The following GLUD2 variants were observed in gnomAD, a reference collection of about 807,000 sequenced individuals.
GLUD2 encodes the protein glutamate dehydrogenase 2, mitochondrial.
Under a neutral mutation model 16.2 loss-of-function variants are expected in GLUD2, and 11 were observed. That is an observed-to-expected ratio of 0.68 (90% CI 0.43 to 1.13). The LOEUF is 1.13. Ranked by LOEUF, GLUD2 falls within the 50% of genes most tolerant of loss-of-function variation. The pLI, the probability that GLUD2 is intolerant of heterozygous loss-of-function variation, is 0.00. For missense variants in GLUD2, 360 were observed against 456.4 expected (o/e 0.79, Z 1.93); for synonymous variants, 147 against 181.9 (o/e 0.81, Z 1.55).
Position 121,047,875 on chromosome X carries a change from C to G in GLUD2, c.191C>G (p.Pro64Arg). Reference protein sequence around the residue: ...SELVADREDDPNFFKMVEGFF... With the variant: ...SELVADREDDRNFFKMVEGFF... ...TTGGTGGCCGACCGCGAGGACGACC[C>G]CAACTTCTTCAAGATGGTGGAGGGC... Residue 64 changes from proline to arginine, a missense_variant, in exon 1 of 1, where the codon CCC becomes CGC. By Grantham distance (103) the Pro-to-Arg change is moderately radical. Transcript: ENST00000328078. 1.7e-6 allele frequency: 2 copies of G among 1,210,459 alleles called. No homozygotes were observed. The highest frequency in any genetic ancestry group is 2.2e-6 in the Non-Finnish European group (2 of 895,540).
chrX:121,049,533 C>T lies in GLUD2; in HGVS notation c.*172C>T, dbSNP rs1222838133. The T allele has an allele frequency of 1.9e-6, 1 of 536,561 alleles. No individual in the cohort carries two copies. The highest frequency in any genetic ancestry group is 3.3e-5 in the East Asian group (1 of 29,932). The allele number at this position is 536,561 out of a possible 1,213,427, so 44.2% of individuals were successfully genotyped here. ...CGTTAAGGAGAAAGAAATTAATATA[C>T]AAGCTGAGTGTGAAAGTAGAAATCA... On this transcript the variant is annotated 3_prime_UTR_variant, in exon 1 of 1. Coordinates refer to ENST00000328078, the MANE Select transcript of GLUD2 (RefSeq NM_012084.4).
In GLUD2 at chrX:121,047,653, G is replaced by A. The variant is rs749203569; in HGVS notation, c.-32G>A. On this transcript the variant is annotated 5_prime_UTR_variant, in exon 1 of 1. Coordinates refer to ENST00000328078, the MANE Select transcript of GLUD2 (RefSeq NM_012084.4). ...GTCTGAGAAAGCGCACCTGTTCCGC[G>A]ACCGTCACGCACCCCTCCTCCGCCT... is the stretch of plus-strand genomic sequence containing the variant. 1.0e-6 allele frequency: 1 copy of A among 969,141 alleles called. No homozygotes were observed. The highest frequency in any genetic ancestry group is 1.3e-6 in the Non-Finnish European group (1 of 746,801). The allele number at this position is 969,141 out of a possible 1,213,427, so 79.9% of individuals were successfully genotyped here.
Position 121,049,250 on chromosome X carries a change from G to A in GLUD2, c.1566G>A (p.Met522Ile), listed in dbSNP as rs1235915607. The A allele has an allele frequency of 3.3e-6, 4 of 1,209,759 alleles. No individual in the cohort carries two copies. The highest frequency in any genetic ancestry group is 3.0e-5 in the East Asian group (1 of 33,767). Residue 522 changes from methionine (M) to isoleucine (I), a missense_variant, in exon 1 of 1, where the codon ATG (methionine) becomes ATA (isoleucine). Transcript: ENST00000328078. Reference protein sequence around the residue: ...YTMERSARQIMHTAMKYNLGL... With the variant: ...YTMERSARQIIHTAMKYNLGL... ...TGGAGCGTTCTGCCAGGCAAATTAT[G>A]CACACAGCCATGAAGTATAACCTGG...
chrX:121,048,375 C>T lies in GLUD2; in HGVS notation c.691C>T (p.Arg231Trp), dbSNP rs773281447. The T allele has an allele frequency of 5.8e-6, 7 of 1,209,452 alleles. No homozygotes were observed. In the African/African-American group the frequency reaches 1.1e-4, roughly 18 times the overall value. ...VPAPDMNTGE[R>W]EMSWIADTYA... The stretch of plus-strand genomic sequence containing the variant: ...TGCTCCAGACATGAACACAGGTGAG[C>T]GGGAGATGTCCTGGATTGCTGATAC... Residue 231 changes from arginine to tryptophan, a missense_variant, in exon 1 of 1, where the codon CGG becomes TGG. Arg to Trp is a moderately radical substitution (Grantham distance 101). This residue lies in a region of GLUD2 where 279 missense variants were observed against 352.9 expected (regional missense o/e 0.79). Coordinates refer to ENST00000328078, the MANE Select transcript of GLUD2 (RefSeq NM_012084.4).
chrX:121,047,667 C>T lies in GLUD2; in HGVS notation c.-18C>T. The T allele has an allele frequency of 1.2e-5, 12 of 1,031,256 alleles. No homozygotes were observed. Among genetic ancestry groups the T allele is most frequent in the Non-Finnish European group, 1.5e-5 (12 of 794,381 alleles). The allele number at this position is 1,031,256 out of a possible 1,213,427, so 85.0% of individuals were successfully genotyped here. ...ACCTGTTCCGCGACCGTCACGCACC[C>T]CTCCTCCGCCTGCCGCGATGTACCG... On this transcript the variant is annotated 5_prime_UTR_variant, in exon 1 of 1. Transcript: ENST00000328078.
At position 121,047,787 on chromosome X, in the gene GLUD2, G is replaced by A. The variant is rs191769566; in HGVS notation, c.103G>A (p.Gly35Arg). Residue 35 changes from glycine (G) to arginine (R), a missense_variant, in exon 1 of 1, where the codon GGA becomes AGA. Gly to Arg is a moderately radical substitution (Grantham distance 125). This residue lies in a region of GLUD2 where 58 missense variants were observed against 49.9 expected (regional missense o/e 1.16). Transcript: ENST00000328078. ...HSAALLGRGRGQPAAASQPGL... is the reference protein window; with the variant it reads ...HSAALLGRGRRQPAAASQPGL... ...GGCCGCGTTGCTGGGCCGGGGCCGC[G>A]GACAGCCCGCCGCCGCCTCGCAGCC... 124,937 of 1,191,744 alleles carry A rather than the reference G, an allele frequency of 0.1. 4,627 individuals are homozygous for A. Among genetic ancestry groups the A allele is most frequent in the South Asian group, 0.15 (8,227 of 55,137 alleles).
At position 121,048,772 on chromosome X, in the gene GLUD2, A is replaced by C; in HGVS notation, c.1088A>C (p.Lys363Thr). 3.3e-6 allele frequency: 4 copies of C among 1,211,543 alleles called. No individual in the cohort carries two copies. Among genetic ancestry groups the C allele is most frequent in the Non-Finnish European group, 4.5e-6 (4 of 895,352 alleles). ...CATGGGTCCATTCTGGGCTTCCCCA[A>C]GGCAAAGCCCTATGAAGGAAGCATC... ...LQHGSILGFP[K>T]AKPYEGSILE... is the part of the protein sequence containing the mutation. Residue 363 changes from lysine to threonine, a missense_variant, in exon 1 of 1, where the codon AAG becomes ACG. Lys to Thr is a moderately conservative substitution (Grantham distance 78). Around this residue, in one of 3 missense-constraint regions of GLUD2, gnomAD observed 279 missense variants for 352.9 expected, o/e 0.79. Coordinates refer to ENST00000328078, the MANE Select transcript of GLUD2 (RefSeq NM_012084.4).
At position 121,049,879 on chromosome X, in the gene GLUD2, A is replaced by G. The variant is rs1925468101; in HGVS notation, c.*518A>G. ...ATATAAAAGCTGTTTCTGTTTATGA[A>G]TTTTATTCTTTTAGAATAGAATAAG... On this transcript the variant is annotated 3_prime_UTR_variant, in exon 1 of 1. Transcript: ENST00000328078. 3 of 136,263 alleles carry G rather than the reference A, an allele frequency of 2.2e-5. No homozygotes were observed. Among genetic ancestry groups the G allele is most frequent in the Non-Finnish European group, 3.3e-5 (2 of 60,682 alleles). The allele number at this position is 136,263 out of a possible 1,213,427, so 11.2% of individuals were successfully genotyped here.
rs1925396082 is a variant in GLUD2 at position 121,048,058 on chromosome X, A to T, written c.374A>T (p.Asp125Val). The change falls in exon 1 of 1, where the codon GAC (aspartate) becomes GTC (valine). Residue 125 changes from aspartate to valine, a missense_variant. Coordinates refer to ENST00000328078, the MANE Select transcript of GLUD2 (RefSeq NM_012084.4). ...AGTCTCTCCTTCCCCATCCGGCGCGACGACGGCTCCTGGGAGGTCATCGAA... is the reference window on the plus strand; with the variant it reads ...AGTCTCTCCTTCCCCATCCGGCGCGTCGACGGCTCCTGGGAGGTCATCGAA... ...VLSLSFPIRR[D>V]DGSWEVIEGY... 1 of 1,211,688 alleles carries T rather than the reference A, an allele frequency of 8.3e-7. No individual in the cohort carries two copies. Among genetic ancestry groups the T allele is most frequent in the East Asian group, 3.0e-5 (1 of 33,818 alleles).
chrX:121,047,629 T>G lies in GLUD2; in HGVS notation c.-56T>G. On this transcript the variant is annotated 5_prime_UTR_variant, in exon 1 of 1. Coordinates refer to ENST00000328078, the MANE Select transcript of GLUD2 (RefSeq NM_012084.4). ...ACCCTTCCTTCCTAGTCGCGGGGAG[T>G]CTGAGAAAGCGCACCTGTTCCGCGA... 1.2e-6 allele frequency: 1 copy of G among 817,965 alleles called. No individual in the cohort carries two copies. Among genetic ancestry groups the G allele is most frequent in the Non-Finnish European group, 1.6e-6 (1 of 624,958 alleles). 67.4% of individuals were successfully genotyped at this position (817,965 alleles called of 1,213,427 possible).
Position 121,048,377 on chromosome X carries a change from G to A in GLUD2, c.693G>A (p.Arg231=), listed in dbSNP as rs766069748. 1 of 1,211,752 alleles carries A rather than the reference G, an allele frequency of 8.3e-7. No individual in the cohort carries two copies. Among genetic ancestry groups the A allele is most frequent in the South Asian group, 1.8e-5 (1 of 57,001 alleles). Reference sequence around the variant, plus strand: ...CTCCAGACATGAACACAGGTGAGCGGGAGATGTCCTGGATTGCTGATACCT... The same window carrying A: ...CTCCAGACATGAACACAGGTGAGCGAGAGATGTCCTGGATTGCTGATACCT... ...VPAPDMNTGE[R]EMSWIADTYA... Residue 231 remains arginine (R), a synonymous_variant, in exon 1 of 1, where the codon CGG becomes CGA. Transcript: ENST00000328078.
Position 121,050,085 on chromosome X carries a change from G to A in GLUD2, c.*724G>A, listed in dbSNP as rs1445173383. On this transcript the variant is annotated 3_prime_UTR_variant, in exon 1 of 1. Transcript: ENST00000328078. ...CATTAAAAGCCCTGTGGATAATTAC[G>A]TTATCTTCATACCTGCAAAACGGTG... The A allele has an allele frequency of 8.1e-6, 1 of 123,282 alleles. No homozygotes were observed. The highest frequency in any genetic ancestry group is 3.2e-5 in the African/African-American group (1 of 30,873). 10.2% of individuals were successfully genotyped at this position (123,282 alleles called of 1,213,427 possible). A position where few individuals can be genotyped will look rare whatever the true frequency, so the allele number is the denominator to read the frequency against.
Position 121,047,758 on chromosome X carries a change from A to G in GLUD2, c.74A>G (p.His25Arg), listed in dbSNP as rs199681821. 5.2e-5 allele frequency: 59 copies of G among 1,139,634 alleles called. No individual in the cohort carries two copies. In the African/African-American group the frequency reaches 1.1e-3, roughly 21 times the overall value. The allele number at this position is 1,139,634 out of a possible 1,213,427, so 93.9% of individuals were successfully genotyped here. The change falls in exon 1 of 1, where the codon CAC becomes CGC. Residue 25 changes from histidine (H) to arginine (R), a missense_variant. By Grantham distance (29) the His-to-Arg change is conservative. Coordinates refer to ENST00000328078, the MANE Select transcript of GLUD2 (RefSeq NM_012084.4). Reference protein sequence around the residue: ...GPAALGSAANHSAALLGRGRG... With the variant: ...GPAALGSAANRSAALLGRGRG... Reference sequence around the variant, plus strand: ...GCTGCCCTGGGCTCCGCGGCCAACCACTCGGCCGCGTTGCTGGGCCGGGGC... The same window carrying G: ...GCTGCCCTGGGCTCCGCGGCCAACCGCTCGGCCGCGTTGCTGGGCCGGGGC...
rs146546109 is a variant in GLUD2 at position 121,047,941 on chromosome X, T to G, written c.257T>G (p.Val86Gly). Reference sequence around the variant, plus strand: ...GCCAGCATCGTGGAGGACAAGTTGGTGAAGGACCTGAGGACCCAGGAAAGC... The same window carrying G: ...GCCAGCATCGTGGAGGACAAGTTGGGGAAGGACCTGAGGACCCAGGAAAGC... ...RGASIVEDKLVKDLRTQESEE... is the reference protein window; with the variant it reads ...RGASIVEDKLGKDLRTQESEE... Residue 86 changes from valine to glycine, a missense_variant, in exon 1 of 1, where the codon GTG (valine) becomes GGG (glycine). Val to Gly is a moderately radical substitution (Grantham distance 109). Coordinates refer to ENST00000328078, the MANE Select transcript of GLUD2 (RefSeq NM_012084.4). 937 of 1,209,815 alleles carry G rather than the reference T, an allele frequency of 7.7e-4. No homozygotes were observed. Among genetic ancestry groups the G allele is most frequent in the Non-Finnish European group, 9.7e-4 (870 of 895,218 alleles).
chrX:121,047,750 G>A lies in GLUD2; in HGVS notation c.66G>A (p.Ala22=), dbSNP rs754844868. 5 of 1,131,367 alleles carry A rather than the reference G, an allele frequency of 4.4e-6. No homozygotes were observed. The highest frequency in any genetic ancestry group is 7.0e-5 in the East Asian group (2 of 28,515). 93.2% of individuals were successfully genotyped at this position (1,131,367 alleles called of 1,213,427 possible). A position where few individuals can be genotyped will look rare whatever the true frequency, so the allele number is the denominator to read the frequency against. Residue 22 remains alanine (A), a synonymous_variant, in exon 1 of 1, where the codon GCG becomes GCA. Transcript: ENST00000328078. Reference sequence around the variant, plus strand: ...CCGGGCCCGCTGCCCTGGGCTCCGCGGCCAACCACTCGGCCGCGTTGCTGG... The same window carrying A: ...CCGGGCCCGCTGCCCTGGGCTCCGCAGCCAACCACTCGGCCGCGTTGCTGG... The part of the protein sequence containing the change: ...SRAGPAALGS[A]ANHSAALLGR...
chrX:121,047,708 G>T lies in GLUD2; in HGVS notation c.24G>T (p.Ala8=). MYRYLAK[A]LLPSRAGPAA... ...CGATGTACCGCTACCTGGCCAAAGC[G>T]CTGCTGCCGTCCCGGGCCGGGCCCG... Residue 8 remains alanine, a synonymous_variant, in exon 1 of 1, where the codon GCG becomes GCT. Coordinates refer to ENST00000328078, the MANE Select transcript of GLUD2 (RefSeq NM_012084.4). 9.1e-7 allele frequency: 1 copy of T among 1,100,178 alleles called. No homozygotes were observed. The highest frequency in any genetic ancestry group is 1.2e-6 in the Non-Finnish European group (1 of 837,385). The allele number at this position is 1,100,178 out of a possible 1,213,427, so 90.7% of individuals were successfully genotyped here.
At position 121,049,437 on chromosome X, in the gene GLUD2, C is replaced by T. The variant is rs1361952620; in HGVS notation, c.*76C>T. On this transcript the variant is annotated 3_prime_UTR_variant, in exon 1 of 1. Transcript: ENST00000328078. ...GACCTACCACAAGTTTACATGTAAC[C>T]ACAGAAATCCCTTTCTCTCCTGACT... The T allele has an allele frequency of 2.2e-6, 2 of 915,316 alleles. No individual in the cohort carries two copies. The highest frequency in any genetic ancestry group is 3.9e-5 in the African/African-American group (2 of 51,527). 75.4% of individuals were successfully genotyped at this position (915,316 alleles called of 1,213,427 possible).
chrX:121,048,047 C>T lies in GLUD2; in HGVS notation c.363C>T (p.Pro121=), dbSNP rs1024659164. ...ACCATGTGCTGAGTCTCTCCTTCCC[C>T]ATCCGGCGCGACGACGGCTCCTGGG... ...PCNHVLSLSF[P]IRRDDGSWEV... is the part of the protein sequence containing the mutation. The change falls in exon 1 of 1, where the codon CCC becomes CCT. Residue 121 remains proline, a synonymous_variant. Transcript: ENST00000328078. The T allele has an allele frequency of 8.3e-7, 1 of 1,211,785 alleles. No homozygotes were observed.
Position 121,048,978 on chromosome X carries a change from G to A in GLUD2, c.1294G>A (p.Ala432Thr), listed in dbSNP as rs1285081440. The change falls in exon 1 of 1, where the codon GCT (alanine) becomes ACT (threonine). Residue 432 changes from alanine (A) to threonine (T), a missense_variant. Ala to Thr is a moderately conservative substitution (Grantham distance 58, BLOSUM62 0). Transcript: ENST00000328078. ...GGTTATTCCAGATCTCTACTTGAAT[G>A]CTGGAGGAGTGACAGTATCTTACTT... ...ILVIPDLYLNAGGVTVSYFEW... is the reference protein window; with the variant it reads ...ILVIPDLYLNTGGVTVSYFEW... 3.3e-6 allele frequency: 4 copies of A among 1,209,273 alleles called. No homozygotes were observed. The highest frequency in any genetic ancestry group is 2.2e-5 in the Admixed American group (1 of 45,886).
Sources: gnomAD v4.1 joint callset for allele counts on GRCh38, gnomAD v4.1.1 for gene constraint, gnomAD v4.1.1 regional missense constraint, MANE v1.5 for transcripts, NCBI Gene and HGNC (gene_info 2026-07-23, HGNC 2026-07-21) for gene names.